Variants in EPHA6 observed in about 807,000 individuals in gnomAD.
The protein encoded by EPHA6 is ephrin type-A receptor 6.
A neutral mutation model predicts 112.0 loss-of-function variants in EPHA6; 50 were observed. The ratio of observed to expected loss-of-function variants is 0.45; its 90% CI spans 0.36 to 0.56. The LOEUF (loss-of-function observed/expected upper bound fraction) is 0.56, where lower values mean the gene tolerates loss of function less well. Ranked by LOEUF, EPHA6 falls within the 20% of genes least tolerant of loss-of-function variation. EPHA6 has a pLI of 0.00. For synonymous variants in EPHA6, 529 were observed against 490.7 expected, an observed-to-expected ratio of 1.08 and a Z score of -1.03; for missense variants, 1,280 against 1,417.4, an observed-to-expected ratio of 0.90 and a Z score of 1.56.
intron 3 of EPHA6, among the ~76,000 whole-genome samples, chr3:97,181,900 C>T (rs1348945298): frequency 6.6e-6 from 1 of 152,060 alleles, no homozygotes; most frequent in Non-Finnish European, 1.5e-5. Context: ...CAGGGACTGT[C>T]ACTGTGCTTT....
chr3:97,473,275 A>T (rs72928276), intron 7 of EPHA6, among the ~76,000 whole-genome samples: 28,744 of 151,716 alleles, frequency 0.19, 4,107 homozygotes, highest in African/African-American at 0.38. Flanking sequence ...TTTAAGAAAC[A>T]ATTATGCAGG....
At chr3:97,236,941 C>T (rs1343870557) in intron 4 of EPHA6, among the ~76,000 whole-genome samples, 1 of 151,958 alleles carries the variant, frequency 6.6e-6, no homozygotes, top group Non-Finnish European at 1.5e-5. Context: ...TCCAAGCATC[C>T]CTGTTCTGCT....
intron 5 of EPHA6, among the ~76,000 whole-genome samples, chr3:97,320,057 TTTC>T (rs2082037025): frequency 1.3e-5 from 2 of 152,092 alleles, no homozygotes. Flanking sequence ...TCTTTATCTA[TTTC>T]TTCTTCTCTG....
At position 97,755,373 on chromosome 3, in the gene EPHA6, T is replaced by A. The variant is rs1051690375; in HGVS notation, c.*6672T>A. ...TAAGTAAAACTGTTCTTACTTGTATTTTCTGCATTATTTGTGACCTCTGGC... is the reference window on the plus strand; with the variant it reads ...TAAGTAAAACTGTTCTTACTTGTATATTCTGCATTATTTGTGACCTCTGGC... On this transcript the variant is annotated 3_prime_UTR_variant, in exon 18 of 18. Coordinates refer to ENST00000389672, the MANE Select transcript of EPHA6 (RefSeq NM_001080448.3). 3.9e-5 allele frequency among the ~76,000 whole-genome samples: 6 copies of A among 152,204 alleles called. No individual in the cohort carries two copies. The highest frequency in any genetic ancestry group is 8.8e-5 in the Non-Finnish European group (6 of 68,020).
At chr3:96,965,213 C>A (rs1189612759) in intron 2 of EPHA6, among the ~76,000 whole-genome samples, 5 of 152,070 alleles carry the variant, frequency 3.3e-5, no homozygotes, top group African/African-American at 1.2e-4. Context: ...ATCTTGTCTG[C>A]CTATTAAGCT....
At chr3:97,203,605 G>A (rs1269134300) in intron 3 of EPHA6, among the ~76,000 whole-genome samples, 1 of 152,038 alleles carries the variant, frequency 6.6e-6, no homozygotes, top group Non-Finnish European at 1.5e-5. Context: ...ATATTTAAGG[G>A]ACAGAAGTCT....
At chr3:97,318,892 A>T (rs746283270) in intron 5 of EPHA6, among the ~76,000 whole-genome samples, 1 of 151,886 alleles carries the variant, frequency 6.6e-6, no homozygotes, top group African/African-American at 2.4e-5. Context: ...CCTTCTATTT[A>T]TTGTTATTTA....
At chr3:97,636,418 C>T (rs1160761296) in intron 13 of EPHA6, among the ~76,000 whole-genome samples, 2 of 152,020 alleles carry the variant, frequency 1.3e-5, no homozygotes, top group Non-Finnish European at 1.5e-5. Context: ...GAGCTAATAA[C>T]ATCAAAGATT....
chr3:97,635,348 T>C (rs1233035243), intron 13 of EPHA6, among the ~76,000 whole-genome samples: 1 of 152,076 alleles, frequency 6.6e-6, no homozygotes, highest in Non-Finnish European at 1.5e-5. Context: ...TCTTCAAATG[T>C]TGGTGACAAA....
chr3:97,450,154 TATG>T, intron 7 of EPHA6, among the ~76,000 whole-genome samples: 1 of 152,192 alleles, frequency 6.6e-6, no homozygotes, highest in East Asian at 1.9e-4. Context: ...AGTAGAGTAT[TATG>T]ATCACAAAAC....
intron 14 of EPHA6, among the ~76,000 whole-genome samples, chr3:97,653,357 A>G (rs889539255): frequency 3.3e-5 from 5 of 152,022 alleles, no homozygotes; most frequent in African/African-American, 1.2e-4. Context: ...CTGAATAGGT[A>G]TTTCTCAGAA....
intron 3 of EPHA6, among the ~76,000 whole-genome samples, chr3:97,137,555 A>C (rs1002296953): frequency 2.0e-4 from 30 of 152,332 alleles, no homozygotes; most frequent in African/African-American, 7.2e-4. Flanking sequence ...TCATAAAAGG[A>C]ATATGACAAG....
intron 3 of EPHA6, among the ~76,000 whole-genome samples, chr3:97,138,204 C>A (rs1041884972): frequency 1.3e-5 from 2 of 152,158 alleles, no homozygotes; most frequent in Non-Finnish European, 2.9e-5. Flanking sequence ...CCCTAGACTT[C>A]TAGACTGTCT....
chr3:97,003,275 T>G (rs58775317), intron 3 of EPHA6, among the ~76,000 whole-genome samples: 1,899 of 152,172 alleles, frequency 0.012, 35 homozygotes, highest in African/African-American at 0.044. Context: ...GCCCAGCTAA[T>G]TTTTGTATTT....
intron 11 of EPHA6, among the ~76,000 whole-genome samples, chr3:97,552,792 T>C (rs2093047627): frequency 6.6e-6 from 1 of 152,174 alleles, no homozygotes; most frequent in South Asian, 2.1e-4. Flanking sequence ...AATACAAATA[T>C]CTAGTTTTAA....
chr3:97,227,307 A>G (rs2078389168), intron 4 of EPHA6, among the ~76,000 whole-genome samples: 2 of 150,366 alleles, frequency 1.3e-5, no homozygotes, highest in African/African-American at 4.9e-5. Context: ...TGCAGCCTCC[A>G]CCTCCCGGAT....
At chr3:97,641,805 G>C (rs948980210) in intron 14 of EPHA6, among the ~76,000 whole-genome samples, 1 of 152,254 alleles carries the variant, frequency 6.6e-6, no homozygotes, top group African/African-American at 2.4e-5. Context: ...ACGGAGTCTC[G>C]CTGATTGCTA....
chr3:97,678,841 A>C (rs933120932), intron 14 of EPHA6, among the ~76,000 whole-genome samples: 1 of 152,136 alleles, frequency 6.6e-6, no homozygotes, highest in Non-Finnish European at 1.5e-5. Flanking sequence ...ATGTGTTTGT[A>C]TATTTATGCT....
rs116757173 is a variant in EPHA6 at position 96,872,765 on chromosome 3, A to G, written c.450+5876A>G. Reference sequence around the variant, plus strand: ...TCTGGATTCTTTCAAGGTTCTTTATATTTGCTTTTTTTTTAAATTTGATGT... The same window carrying G: ...TCTGGATTCTTTCAAGGTTCTTTATGTTTGCTTTTTTTTTAAATTTGATGT... On this transcript the variant is annotated intron_variant, in intron 2 of 17. Coordinates refer to ENST00000389672, the MANE Select transcript of EPHA6 (RefSeq NM_001080448.3). Among the ~76,000 whole-genome samples the G allele has an allele frequency of 2.4e-3, 370 of 151,402 alleles. 4 individuals are homozygous for G. The highest frequency in any genetic ancestry group is 8.3e-3 in the African/African-American group (344 of 41,284).
Sources: allele counts gnomAD v4.1 joint callset (sites outside exome capture counted in the v4.1 genomes callset), GRCh38; gene constraint gnomAD v4.1.1; transcripts MANE v1.5; gene names NCBI Gene and HGNC (gene_info 2026-07-23, HGNC 2026-07-21).